The following DNAJC21 variants were observed in gnomAD, a reference collection of about 807,000 sequenced individuals.
DNAJC21 encodes DnaJ heat shock protein family (Hsp40) member C21, also known as dnaJ homolog subfamily C member 21.
A neutral mutation model predicts 72.4 loss-of-function variants in DNAJC21; 63 were observed. The observed-to-expected ratio is 0.87, with a 90% CI of 0.71 to 1.07. The LOEUF (loss-of-function observed/expected upper bound fraction) is 1.07, where lower values mean the gene tolerates loss of function less well. Ranked by LOEUF, DNAJC21 falls within the 50% of genes least tolerant of loss-of-function variation. The pLI, the probability that DNAJC21 is intolerant of heterozygous loss-of-function variation, is 0.00. For synonymous variants in DNAJC21, 203 were observed against 216.7 expected, an observed-to-expected ratio of 0.94 and a Z score of 0.56; for missense variants, 634 against 644.8, an observed-to-expected ratio of 0.98 and a Z score of 0.18.
intron 1 of DNAJC21, among the ~76,000 whole-genome samples, chr5:34,932,100 A>G (rs1167227565): frequency 6.6e-6 from 1 of 152,114 alleles, no homozygotes. Context: ...CTTAGAAGGG[A>G]AGTATTGAGC....
intron 5 of DNAJC21, 27 bp downstream of exon 5, chr5:34,937,657 C>T (rs1464548654): frequency 1.3e-6 from 2 of 1,588,728 alleles, no homozygotes; most frequent in Admixed American, 1.8e-5. Flanking sequence ...GGGCCCTCTT[C>T]TCAGTATCGG....
rs899850009 is a variant in DNAJC21, at chr5:34,950,591, C to T, written c.1358+249C>T. Reference sequence around the variant, plus strand: ...AAAATCAGAAAGATGTCACTTTGATCCAGTTCTTGTTTACCTTATCCTGCT... The same window carrying T: ...AAAATCAGAAAGATGTCACTTTGATTCAGTTCTTGTTTACCTTATCCTGCT... On this transcript the variant is annotated intron_variant, in intron 10 of 11. Coordinates refer to ENST00000648817, the MANE Select transcript of DNAJC21 (RefSeq NM_001012339.3). 26 of 1,116,412 alleles carry T rather than the reference C, an allele frequency of 2.3e-5. No homozygotes were observed. The African/African-American group carries it at 3.7e-4, about 16-fold the overall frequency. The allele number at this position is 1,116,412 out of a possible 1,614,324, so 69.2% of individuals were successfully genotyped here.
At chr5:34,931,691 T>C (rs1348331439) in intron 1 of DNAJC21, among the ~76,000 whole-genome samples, 4 of 152,248 alleles carry the variant, frequency 2.6e-5, no homozygotes, top group Admixed American at 2.6e-4. Flanking sequence ...GGGAGAGTAC[T>C]ATGAAGGCAA....
At chr5:34,950,537 G>A in intron 10 of DNAJC21, 195 bp downstream of exon 10, 6 of 1,233,352 alleles carry the variant, frequency 4.9e-6, no homozygotes, top group Non-Finnish European at 6.1e-6. Flanking sequence ...CTAGAGGAAT[G>A]TGCCCACACA....
At chr5:34,951,278 A>C in intron 10 of DNAJC21, 6 of 985,416 alleles carry the variant, frequency 6.1e-6, no homozygotes, top group Non-Finnish European at 7.2e-6. Flanking sequence ...TCACTCTGAC[A>C]CCAGGTGTTT....
intron 7 of DNAJC21, among the ~76,000 whole-genome samples, chr5:34,944,297 AAGCAAGAG>A (rs1488369660): frequency 2.0e-5 from 3 of 152,182 alleles, no homozygotes; most frequent in African/African-American, 4.8e-5. Flanking sequence ...GCTGTTGAAA[AAGCAAGAG>A]GCAGTAAACT....
At chr5:34,931,613 G>A (rs1160982869) in intron 1 of DNAJC21, among the ~76,000 whole-genome samples, 1 of 149,770 alleles carries the variant, frequency 6.7e-6, no homozygotes, top group African/African-American at 2.6e-5. Context: ...TTGAATATTA[G>A]CCCAAGGACT....
chr5:34,931,905 T>G (rs540333082), intron 1 of DNAJC21, among the ~76,000 whole-genome samples: 4 of 152,348 alleles, frequency 2.6e-5, no homozygotes, highest in African/African-American at 4.8e-5. Context: ...AAAGTATCAG[T>G]TAACTCCTTT....
At chr5:34,929,966 TC>T in intron 1 of DNAJC21, 50 bp downstream of exon 1, 1 of 1,401,592 alleles carries the variant, frequency 7.1e-7, no homozygotes, top group Admixed American at 2.2e-5. Flanking sequence ...AGCCCGGCCC[TC>T]CCCGACCTTC....
At chr5:34,951,960 A>G (rs1765382160) in intron 10 of DNAJC21, 1 of 985,538 alleles carries the variant, frequency 1.0e-6, no homozygotes. Context: ...ACTTCTTCAC[A>G]GCTGCAGAAT....
At chr5:34,938,475 T>C (rs1764871750) in intron 5 of DNAJC21, among the ~76,000 whole-genome samples, 2 of 152,262 alleles carry the variant, frequency 1.3e-5, no homozygotes, top group Non-Finnish European at 2.9e-5. Context: ...AAAAAGTTAC[T>C]GTAAATGCAT....
intron 10 of DNAJC21, chr5:34,951,304 AT>A: frequency 1.0e-6 from 1 of 985,396 alleles, no homozygotes; most frequent in Non-Finnish European, 1.2e-6. Flanking sequence ...CTTTCTACAA[AT>A]GGGGAAACTG....
intron 1 of DNAJC21, 53 bp downstream of exon 1, chr5:34,929,969 C>A: frequency 7.1e-7 from 1 of 1,416,338 alleles, no homozygotes. Flanking sequence ...CCGGCCCTCC[C>A]CGACCTTCCC....
chr5:34,946,652 G>T (rs141205478), intron 9 of DNAJC21, among the ~76,000 whole-genome samples: 1 of 152,006 alleles, frequency 6.6e-6, no homozygotes, highest in Non-Finnish European at 1.5e-5. Context: ...TTATAAAACC[G>T]CATAGCAAAT....
chr5:34,952,122 AATGT>A (rs1367098187), intron 10 of DNAJC21: 5 of 924,394 alleles, frequency 5.4e-6, no homozygotes, highest in African/African-American at 3.9e-5. Context: ...TTTTTTAAAA[AATGT>A]GTGTGTGTGT....
chr5:34,945,065 C>T, intron 8 of DNAJC21, 40 bp downstream of exon 8: 1 of 1,592,314 alleles, frequency 6.3e-7, no homozygotes, highest in Non-Finnish European at 8.5e-7. Context: ...ATACTTATCA[C>T]ATTCAGAGAT....
At chr5:34,929,986 C>T (rs539738733) in intron 1 of DNAJC21, 70 bp downstream of exon 1, 8 of 1,259,544 alleles carry the variant, frequency 6.4e-6, no homozygotes, top group Admixed American at 2.6e-5. Context: ...TCCCTTCCCC[C>T]GGGCGGACTC....
At position 34,936,155 on chromosome 5, in the gene DNAJC21, G is replaced by C. The variant is rs147400420; in HGVS notation, c.327G>C (p.Thr109=). 10 of 1,612,234 alleles carry C rather than the reference G, an allele frequency of 6.2e-6. No individual in the cohort carries two copies. The highest frequency in any genetic ancestry group is 7.6e-6 in the Non-Finnish European group (9 of 1,179,584). ...GYGDDEKGFY[T]VYRNVFEMIA... ...TTACTGTTTTTTAGGGATTTTACAC[G>C]GTGTATCGTAATGTTTTTGAAATGA... The change falls in exon 4 of 12, where the codon ACG becomes ACC. Residue 109 remains threonine, a synonymous_variant. Coordinates refer to ENST00000648817, the MANE Select transcript of DNAJC21 (RefSeq NM_001012339.3).
In DNAJC21 at chr5:34,957,471, A is replaced by C. The variant is rs1175527751; in HGVS notation, c.*2757A>C. On this transcript the variant is annotated 3_prime_UTR_variant, in exon 12 of 12. Coordinates refer to ENST00000648817, the MANE Select transcript of DNAJC21 (RefSeq NM_001012339.3). ...TTTCTAATTCCTGCCTTTGGTCACAAAGAAGGAAAAGCAGAGCTGTGAATG... is the reference window on the plus strand; with the variant it reads ...TTTCTAATTCCTGCCTTTGGTCACACAGAAGGAAAAGCAGAGCTGTGAATG... 1 of 145,242 alleles carries C rather than the reference A, an allele frequency of 6.9e-6. No homozygotes were observed. The highest frequency in any genetic ancestry group is 7.1e-5 in the Admixed American group (1 of 14,094). The allele number at this position is 145,242 out of a possible 1,614,324, so 9.0% of individuals were successfully genotyped here.
Sources: gnomAD v4.1 joint callset for allele counts (sites outside exome capture counted in the v4.1 genomes callset) on GRCh38, gnomAD v4.1.1 for gene constraint, MANE v1.5 for transcripts, NCBI Gene and HGNC (gene_info 2026-07-23, HGNC 2026-07-21) for gene names.